Variants in PPFIA4 observed in about 807,000 individuals in gnomAD.
PPFIA4 encodes the protein liprin-alpha-4.
PPFIA4 carries 98 observed loss-of-function variants against 145.7 expected under a neutral mutation model. The observed-to-expected ratio is 0.67, with a 90% CI of 0.57 to 0.80. The LOEUF (loss-of-function observed/expected upper bound fraction) is 0.80, where lower values mean the gene tolerates loss of function less well. Among genes scored for constraint, PPFIA4 ranks in the 30% least tolerant of loss-of-function variants. The pLI is 0.00. For synonymous variants in PPFIA4, 628 were observed against 649.6 expected (o/e 0.97, Z 0.51); for missense variants, 1,457 against 1,632.7 (o/e 0.89, Z 1.85).
At chr1:203,067,630 G>A in intron 25 of PPFIA4, 65 bp from the exon 26 acceptor site, 7 of 1,401,820 alleles carry the variant, frequency 5.0e-6, no homozygotes, top group South Asian at 2.3e-5. Flanking sequence ...GATGCTGGAT[G>A]TGAGACAGGT....
rs1283701047 is a variant in PPFIA4, at chr1:203,032,227, A to G, written c.-400+5598A>G. Reference sequence around the variant, plus strand: ...GGATTAAAGTAAGAAAAGGGAATTTAGAGCCTTTTGAGTTTGTCACACCTC... The same window carrying G: ...GGATTAAAGTAAGAAAAGGGAATTTGGAGCCTTTTGAGTTTGTCACACCTC... On this transcript the variant is annotated intron_variant, in intron 1 of 29. Coordinates refer to ENST00000295706, the MANE Select transcript of PPFIA4 (RefSeq NM_001304331.2). 3.3e-5 allele frequency among the ~76,000 whole-genome samples: 5 copies of G among 152,200 alleles called. No individual in the cohort carries two copies. The East Asian group carries it at 7.7e-4, about 23-fold the overall frequency.
rs775331687 is a variant in PPFIA4, at chr1:203,049,731, G to A, written c.1475G>A (p.Gly492Asp). ...KLRQEVDQLK[G>D]RGGPFVDGVH... is the part of the protein sequence containing the mutation. ...CGCCAAGAGGTGGACCAGCTGAAGGGCCGAGGGGGGCCGTTTGTGGATGGC... is the reference window on the plus strand; with the variant it reads ...CGCCAAGAGGTGGACCAGCTGAAGGACCGAGGGGGGCCGTTTGTGGATGGC... The change falls in exon 13 of 30, where the codon GGC (glycine) becomes GAC (aspartate). Residue 492 changes from glycine (G) to aspartate (D), a missense_variant. Around this residue, in one of 3 missense-constraint regions of PPFIA4, gnomAD observed 848 missense variants for 1,046.7 expected, o/e 0.81. Transcript: ENST00000295706. The A allele has an allele frequency of 8.8e-6, 14 of 1,589,332 alleles. No homozygotes were observed. Among genetic ancestry groups the A allele is most frequent in the Non-Finnish European group, 1.2e-5 (14 of 1,167,122 alleles).
In PPFIA4 at chr1:203,059,777, CT is replaced by C; in HGVS notation, c.2510del (p.Leu837ArgfsTer81). 6.2e-7 allele frequency: 1 copy of C among 1,613,332 alleles called. No individual in the cohort carries two copies. The highest frequency in any genetic ancestry group is 1.1e-5 in the South Asian group (1 of 90,878). ...TGTTCCTCTTCCTATAAGACACCAGCTGCTTGAAGATGCCCGCAGGAAAGGA... is the reference window on the plus strand; with the variant it reads ...TGTTCCTCTTCCTATAAGACACCAGCGCTTGAAGATGCCCGCAGGAAAGGA... ...KDRRLKKKHQ[L>X]LEDARRKGMP... is the part of the protein sequence containing the mutation. On this transcript the variant is annotated frameshift_variant, in exon 21 of 30. Transcript: ENST00000295706. LOFTEE classifies it high-confidence loss of function.
intron 1 of PPFIA4, among the ~76,000 whole-genome samples, chr1:203,036,772 T>C (rs1255524706): frequency 1.3e-5 from 2 of 152,220 alleles, no homozygotes; most frequent in East Asian, 3.9e-4. Context: ...CCAGCTGCTC[T>C]GAGGAGCAGG....
At position 203,068,585 on chromosome 1, in the gene PPFIA4, A is replaced by G. The variant is rs1377096342; in HGVS notation, c.3281A>G (p.Asn1094Ser). 6.3e-7 allele frequency: 1 copy of G among 1,590,428 alleles called. No homozygotes were observed. Among genetic ancestry groups the G allele is most frequent in the African/African-American group, 1.4e-5 (1 of 73,918 alleles). ...LLALDENFDH[N>S]TLALILQIPT... ...GCCCTGGACGAGAACTTCGACCACA[A>G]CACACTGGCCCTGATCCTCCAGATC... is the stretch of plus-strand genomic sequence containing the variant. The change falls in exon 27 of 30, where the codon AAC (asparagine) becomes AGC (serine). Residue 1094 changes from asparagine (N) to serine (S), a missense_variant. Physicochemically the swap from Asn to Ser is conservative, Grantham distance 46. Coordinates refer to ENST00000295706, the MANE Select transcript of PPFIA4 (RefSeq NM_001304331.2). This position sits in a 1 kb window ranked among gnomAD's most constrained non-coding sequence, Gnocchi z 4.7.
chr1:203,044,174 A>G (rs1372362875), intron 4 of PPFIA4, 79 bp downstream of exon 4: 2 of 1,447,140 alleles, frequency 1.4e-6, no homozygotes, highest in Non-Finnish European at 1.9e-6. Context: ...TGAGATTTCC[A>G]CATCCGGTAT....
chr1:203,061,081 T>TA, intron 23 of PPFIA4, 49 bp downstream of exon 23: 1 of 1,547,032 alleles, frequency 6.5e-7, no homozygotes, highest in Non-Finnish European at 8.9e-7. Context: ...TTGGGACTGA[T>TA]ACTCCCATGA....
chr1:203,039,260 G>T lies in PPFIA4; in HGVS notation c.234+18G>T, dbSNP rs756145249. ...TCCCCCAGGTAAGGCCCGAAGGCCT[G>T]CGTCTCTCTTAACCCCTTTCCCTCC... On this transcript the variant is annotated intron_variant, in intron 2 of 29. Coordinates refer to ENST00000295706, the MANE Select transcript of PPFIA4 (RefSeq NM_001304331.2). 12 of 1,540,542 alleles carry T rather than the reference G, an allele frequency of 7.8e-6. No homozygotes were observed. The South Asian group carries it at 1.3e-4, about 17-fold the overall frequency.
chr1:203,066,230 G>A (rs1291572056), intron 25 of PPFIA4, among the ~76,000 whole-genome samples: 1 of 152,222 alleles, frequency 6.6e-6, no homozygotes, highest in East Asian at 1.9e-4. Flanking sequence ...CCTTCACAGT[G>A]GACCAAAGCT....
intron 1 of PPFIA4, among the ~76,000 whole-genome samples, chr1:203,031,947 G>C (rs1351392957): frequency 6.6e-6 from 1 of 152,020 alleles, no homozygotes; most frequent in African/African-American, 2.4e-5. Flanking sequence ...CTATTAGACA[G>C]TTAGAGTGTG....
At chr1:203,056,249 C>A in intron 17 of PPFIA4, 94 bp downstream of exon 17, 1 of 1,598,040 alleles carries the variant, frequency 6.3e-7, no homozygotes, top group South Asian at 1.1e-5. Context: ...GAGTCTGAGT[C>A]TGAACTCAGA....
rs778649955 is a variant in PPFIA4 at position 203,060,344 on chromosome 1, G to A, written c.2711G>A (p.Arg904Gln). The A allele has an allele frequency of 2.8e-5, 45 of 1,613,908 alleles. No homozygotes were observed. Among genetic ancestry groups the A allele is most frequent in the Non-Finnish European group, 3.6e-5 (43 of 1,179,924 alleles). ...ATCGGCATCAGCAATGCCCTGCACC[G>A]GCTCAAGCTCCGCCTGGCCATTCAG... is the stretch of plus-strand genomic sequence containing the variant. Reference protein sequence around the residue: ...REIGISNALHRLKLRLAIQEM... With the variant: ...REIGISNALHQLKLRLAIQEM... The change falls in exon 22 of 30, where the codon CGG becomes CAG. Residue 904 changes from arginine to glutamine, a missense_variant. Around this residue, in one of 3 missense-constraint regions of PPFIA4, gnomAD observed 848 missense variants for 1,046.7 expected, o/e 0.81. Coordinates refer to ENST00000295706, the MANE Select transcript of PPFIA4 (RefSeq NM_001304331.2). The surrounding 1 kb of genome is among the most constrained non-coding windows in gnomAD (Gnocchi z 4.8).
At chr1:203,051,578 C>T (rs1571698691) in intron 13 of PPFIA4, 191 bp from the exon 14 acceptor site, 3 of 1,101,476 alleles carry the variant, frequency 2.7e-6, no homozygotes, top group South Asian at 2.2e-5. Flanking sequence ...ATTCTGACCC[C>T]TGGAGCACCA....
intron 14 of PPFIA4, among the ~76,000 whole-genome samples, chr1:203,052,895 T>TAG (rs1660635139): frequency 6.6e-6 from 1 of 152,048 alleles, no homozygotes; most frequent in African/African-American, 2.4e-5. Context: ...AGACTGTCTA[T>TAG]TCAGGCCTGC....
At position 203,078,460 on chromosome 1, in the gene PPFIA4, G is replaced by C. The variant is rs1009171729; in HGVS notation, c.*2070G>C. 1.0e-4 allele frequency: 16 copies of C among 152,608 alleles called. No individual in the cohort carries two copies. Among genetic ancestry groups the C allele is most frequent in the African/African-American group, 3.9e-4 (16 of 41,448 alleles). 9.5% of individuals were successfully genotyped at this position (152,608 alleles called of 1,614,324 possible). The stretch of plus-strand genomic sequence containing the variant: ...TAGCTGGGTCCATTCAGAGCACCTT[G>C]AGAAGTGTTGCAGGGAGGTGTTAAG... On this transcript the variant is annotated 3_prime_UTR_variant, in exon 30 of 30. Transcript: ENST00000295706.
intron 2 of PPFIA4, among the ~76,000 whole-genome samples, chr1:203,041,561 C>T (rs559788462): frequency 5.1e-4 from 77 of 152,330 alleles, no homozygotes; most frequent in Non-Finnish European, 2.9e-5. Flanking sequence ...CACTGCACTC[C>T]AGCCTGGGTG....
At position 203,063,881 on chromosome 1, in the gene PPFIA4, C is replaced by G; in HGVS notation, c.2928C>G (p.Pro976=). 6.2e-7 allele frequency: 1 copy of G among 1,614,078 alleles called. No homozygotes were observed. The highest frequency in any genetic ancestry group is 2.2e-5 in the East Asian group (1 of 44,880). Residue 976 remains proline, a synonymous_variant, in exon 25 of 30, where the codon CCC becomes CCG. Transcript: ENST00000295706. Reference sequence around the variant, plus strand: ...AGTGGATTGGGAATGAATGGCTACCCAGCCTGGGGCTCCCGCAGTACCGCA... The same window carrying G: ...AGTGGATTGGGAATGAATGGCTACCGAGCCTGGGGCTCCCGCAGTACCGCA... ...NHEWIGNEWL[P]SLGLPQYRSY...
intron 1 of PPFIA4, chr1:203,034,676 C>T (rs1282021621): frequency 4.4e-6 from 2 of 456,666 alleles, no homozygotes; most frequent in Admixed American, 2.3e-5. Context: ...CACCCATGGC[C>T]TCATGACCAT....
At position 203,044,811 on chromosome 1, in the gene PPFIA4, G is replaced by A. The variant is rs552391957; in HGVS notation, c.666+26G>A. ...GTAGGTCATGGAGAGCTGTGTAGCAGGGGTCATGTGTTCCCCAAGGTGGGA... is the reference window on the plus strand; with the variant it reads ...GTAGGTCATGGAGAGCTGTGTAGCAAGGGTCATGTGTTCCCCAAGGTGGGA... On this transcript the variant is annotated intron_variant, in intron 6 of 29. Transcript: ENST00000295706. 3 of 1,548,216 alleles carry A rather than the reference G, an allele frequency of 1.9e-6. No individual in the cohort carries two copies. In the East Asian group the frequency reaches 7.3e-5, roughly 38 times the overall value.
Sources: gnomAD v4.1 joint callset for allele counts (sites outside exome capture counted in the v4.1 genomes callset) on GRCh38, gnomAD v4.1.1 for gene constraint, gnomAD v4.1.1 regional missense constraint, Gnocchi (gnomAD v3.1) non-coding constraint, MANE v1.5 for transcripts, NCBI Gene and HGNC (gene_info 2026-07-23, HGNC 2026-07-21) for gene names.